The following ANKRD28 variants were observed in gnomAD, a reference collection of about 807,000 sequenced individuals.
ANKRD28 encodes the protein serine/threonine-protein phosphatase 6 regulatory ankyrin repeat subunit A.
A neutral mutation model predicts 126.5 loss-of-function variants in ANKRD28; 44 were observed. That is an observed-to-expected ratio of 0.35 (90% CI 0.27 to 0.45). The LOEUF is 0.45. ANKRD28 is among the 20% of genes least tolerant of loss of function. The pLI is 1.00. For missense variants in ANKRD28, 1,110 were observed against 1,316.6 expected (o/e 0.84, Z 2.43); for synonymous variants, 442 against 468.5 (o/e 0.94, Z 0.73).
chr3:15,804,559 G>A (rs13075443), intron 1 of ANKRD28, among the ~76,000 whole-genome samples: 91,241 of 144,164 alleles, frequency 0.63, 32,540 homozygotes, highest in East Asian at 0.84. Flanking sequence ...ATTGTTAAAA[G>A]TGAGTATAAG....
intron 1 of ANKRD28, among the ~76,000 whole-genome samples, chr3:15,831,818 A>G (rs766513480): frequency 7.9e-5 from 12 of 152,238 alleles, no homozygotes; most frequent in Non-Finnish European, 1.3e-4. Flanking sequence ...CAGTCAGATT[A>G]CCAATTTCAA....
rs986673295 is a variant in ANKRD28 at position 15,848,718 on chromosome 3, G to A, written c.27+10659C>T. On this transcript the variant is annotated intron_variant, in intron 1 of 27. Transcript: ENST00000399451. ...GCAGCAGCTAACAATCAATAAATTA[G>A]AAATAGGAAGGAACTTCCTCAACCT... is the stretch of plus-strand genomic sequence containing the variant. Among the ~76,000 whole-genome samples the A allele has an allele frequency of 2.6e-5, 4 of 151,070 alleles. No individual in the cohort carries two copies. In the East Asian group the frequency reaches 7.7e-4, roughly 29 times the overall value.
At chr3:15,694,524 T>C (rs988440493) in intron 17 of ANKRD28, among the ~76,000 whole-genome samples, 5 of 151,952 alleles carry the variant, frequency 3.3e-5, no homozygotes, top group Non-Finnish European at 4.4e-5. Flanking sequence ...TGTCTTTTTT[T>C]TTTTTTTCTA....
intron 1 of ANKRD28, among the ~76,000 whole-genome samples, chr3:15,840,110 T>C (rs926803745): frequency 6.6e-6 from 1 of 152,208 alleles, no homozygotes; most frequent in African/African-American, 2.4e-5. Flanking sequence ...CAATTATCCT[T>C]GTCTGCAGAT....
chr3:15,714,359 G>A (rs1279940679), intron 9 of ANKRD28, among the ~76,000 whole-genome samples: 5 of 151,770 alleles, frequency 3.3e-5, no homozygotes, highest in African/African-American at 1.2e-4. Context: ...AAATAACACA[G>A]TTCAGGGAAA....
rs2061516466 is a variant in ANKRD28, at chr3:15,845,726, TTTAA to T, written c.27+13647_27+13650del. Among the ~76,000 whole-genome samples, 1 of 152,036 alleles carries T rather than the reference TTTAA, an allele frequency of 6.6e-6. No homozygotes were observed. The highest frequency in any genetic ancestry group is 1.5e-5 in the Non-Finnish European group (1 of 68,022). On this transcript the variant is annotated intron_variant, in intron 1 of 27. Transcript: ENST00000399451. The surrounding 1 kb of genome is among the most constrained non-coding windows in gnomAD (Gnocchi z 4.9). ...CTGGGTAATTTACAAAGAAAAGAGG[TTTAA>T]TTGACTCACAGTTCCACAGGCTTAA... is the stretch of plus-strand genomic sequence containing the variant.
intron 1 of ANKRD28, among the ~76,000 whole-genome samples, chr3:15,831,092 G>C (rs2061178525): frequency 6.6e-6 from 1 of 152,110 alleles, no homozygotes; most frequent in Non-Finnish European, 1.5e-5. Context: ...TTTACCCACT[G>C]TTGGTTTTAA....
At chr3:15,772,980 G>C (rs185586736) in intron 2 of ANKRD28, among the ~76,000 whole-genome samples, 1 of 151,954 alleles carries the variant, frequency 6.6e-6, no homozygotes, top group African/African-American at 2.4e-5. Context: ...TTCTGAGATA[G>C]GAATGAGGCA....
At chr3:15,749,393 T>G (rs1009769766) in intron 4 of ANKRD28, among the ~76,000 whole-genome samples, 19 of 151,848 alleles carry the variant, frequency 1.3e-4, no homozygotes, top group African/African-American at 4.6e-4. Context: ...ATTACAGGCG[T>G]GAGCCACCGC....
At position 15,670,313 on chromosome 3, in the gene ANKRD28, G is replaced by C. The variant is rs1265651874; in HGVS notation, c.3209C>G (p.Thr1070Ser). 6.2e-7 allele frequency: 1 copy of C among 1,613,980 alleles called. No homozygotes were observed. The highest frequency in any genetic ancestry group is 1.7e-5 in the Admixed American group (1 of 60,010). Residue 1070 changes from threonine (T) to serine (S), a missense_variant, in exon 28 of 28, where the codon ACT (threonine) becomes AGT (serine). Physicochemically the swap from Thr to Ser is moderately conservative, Grantham distance 58. Coordinates refer to ENST00000683139, the MANE Select transcript of ANKRD28 (RefSeq NM_001349278.2). ...GGAGTCGTTGAGCTCATCCACGTCA[G>C]TGTATAAGTACTCCTGTTCCCCTCC... Reference protein sequence around the residue: ...NIGGEQEYLYTDVDELNDSDS... With the variant: ...NIGGEQEYLYSDVDELNDSDS...
At chr3:15,763,658 A>G (rs6442548) in intron 3 of ANKRD28, among the ~76,000 whole-genome samples, 101,650 of 151,976 alleles carry the variant, frequency 0.67, 34,530 homozygotes, top group East Asian at 0.91. Flanking sequence ...AAGCGGCTGA[A>G]GAAGGTTTAA....
intron 3 of ANKRD28, among the ~76,000 whole-genome samples, chr3:15,762,957 T>A (rs2058567472): frequency 6.6e-6 from 1 of 152,214 alleles, no homozygotes; most frequent in Non-Finnish European, 1.5e-5. Flanking sequence ...AGGCCAGGAC[T>A]GTATCCAAAT....
In ANKRD28 at chr3:15,678,315, C is replaced by T. The variant is rs200889611; in HGVS notation, c.2601G>A (p.Glu867=). 3.5e-4 allele frequency: 572 copies of T among 1,611,910 alleles called. No homozygotes were observed. The highest frequency in any genetic ancestry group is 4.4e-4 in the Non-Finnish European group (524 of 1,179,122). The change falls in exon 24 of 28, where the codon GAG becomes GAA. Residue 867 remains glutamate (E), a synonymous_variant. Coordinates refer to ENST00000683139, the MANE Select transcript of ANKRD28 (RefSeq NM_001349278.2). ...TATGGCTGAGCAGCAGCTGTAAACA[C>T]TCTACATGGTCTGTGAAGGCGGCTG... ...LHAAAFTDHV[E]CLQLLLSHNA...
chr3:15,712,235 G>T lies in ANKRD28; in HGVS notation c.1191-13C>A. ...ATGTATGCCACGCCTAAAGTTAATA[G>T]AACAGGACAGTATCTTCATTTTAAC... On this transcript the variant is annotated splice_polypyrimidine_tract_variant and intron_variant, in intron 10 of 27. Transcript: ENST00000683139. 2 of 1,553,130 alleles carry T rather than the reference G, an allele frequency of 1.3e-6. No individual in the cohort carries two copies. The highest frequency in any genetic ancestry group is 1.8e-6 in the Non-Finnish European group (2 of 1,142,626).
chr3:15,788,488 C>G (rs915990103), intron 2 of ANKRD28, among the ~76,000 whole-genome samples: 3 of 152,008 alleles, frequency 2.0e-5, no homozygotes, highest in Non-Finnish European at 4.4e-5. Context: ...AAATGTTAAC[C>G]TGTCAATTTT....
chr3:15,779,375 C>A (rs1316179382), intron 2 of ANKRD28, among the ~76,000 whole-genome samples: 2 of 152,064 alleles, frequency 1.3e-5, no homozygotes, highest in Non-Finnish European at 2.9e-5. Flanking sequence ...AACCAACATA[C>A]CAAATATTAT....
chr3:15,765,881 G>A lies in ANKRD28; in HGVS notation c.280+353C>T, dbSNP rs117416337. ...AAAAAAAAACCAACCAAAAAAACCC[G>A]CTACATATAATGCTTATCCCACCCC... On this transcript the variant is annotated intron_variant, in intron 3 of 27. Coordinates refer to ENST00000683139, the MANE Select transcript of ANKRD28 (RefSeq NM_001349278.2). Among the ~76,000 whole-genome samples, 594 of 145,544 alleles carry A rather than the reference G, an allele frequency of 4.1e-3. 2 individuals are homozygous for A. The highest frequency in any genetic ancestry group is 0.023 in the East Asian group (118 of 5,056).
chr3:15,724,232 C>G, intron 7 of ANKRD28, 150 bp downstream of exon 7: 1 of 647,686 alleles, frequency 1.5e-6, no homozygotes, highest in South Asian at 2.9e-5. Context: ...AATCAGTGCA[C>G]TAGATATTAT....
chr3:15,767,403 G>C (rs1224249295), intron 2 of ANKRD28, among the ~76,000 whole-genome samples: 2 of 152,086 alleles, frequency 1.3e-5, no homozygotes, highest in African/African-American at 4.8e-5. Flanking sequence ...TTTCCACTAT[G>C]TTCTTCCTTT....
Sources: allele counts gnomAD v4.1 joint callset (sites outside exome capture counted in the v4.1 genomes callset), GRCh38; gene constraint gnomAD v4.1.1; non-coding constraint Gnocchi (gnomAD v3.1); transcripts MANE v1.5; gene names NCBI Gene and HGNC (gene_info 2026-07-23, HGNC 2026-07-21).